IGSF11: variants seen among roughly 807,000 people sequenced by gnomAD.
The protein encoded by IGSF11 is CXADR like 1.
In IGSF11, 22 loss-of-function variants were observed where a neutral mutation model predicts 41.0. That is an observed-to-expected ratio of 0.54 (90% CI 0.38 to 0.77). IGSF11 has a LOEUF of 0.77. IGSF11 is among the 30% of genes least tolerant of loss of function. The probability of loss-of-function intolerance (pLI) is 0.00; values close to 1 mark genes in which losing one functional copy is unlikely to be tolerated. For synonymous variants in IGSF11, 219 were observed against 201.3 expected (o/e 1.09, Z -0.74); for missense variants, 444 against 530.8 (o/e 0.84, Z 1.61).
At chr3:119,003,397 TAAAC>T (rs1937112892) in intron 1 of IGSF11, among the ~76,000 whole-genome samples, 1 of 150,468 alleles carries the variant, frequency 6.6e-6, no homozygotes, top group South Asian at 2.1e-4. Context: ...GTTTTCCAGA[TAAAC>T]AATCATGTCG....
At chr3:119,111,965 G>A (rs1349658500) in intron 1 of IGSF11, among the ~76,000 whole-genome samples, 2 of 152,192 alleles carry the variant, frequency 1.3e-5, no homozygotes, top group East Asian at 1.9e-4. Context: ...TTGTCTCAGA[G>A]GAGTACCCAG....
rs766707937 is a variant in IGSF11 at position 118,904,794 on chromosome 3, C to A, written c.708G>T (p.Gln236His). 10 of 1,595,718 alleles carry A rather than the reference C, an allele frequency of 6.3e-6. No individual in the cohort carries two copies. The highest frequency in any genetic ancestry group is 1.4e-5 in the African/African-American group (1 of 73,582). The change falls in exon 6 of 7, where the codon CAG becomes CAT. Residue 236 changes from glutamine (Q) to histidine (H), a missense_variant. Gln to His is a conservative substitution (Grantham distance 24). Around this residue, in one of 3 missense-constraint regions of IGSF11, gnomAD observed 193 missense variants for 283.5 expected, o/e 0.68. Transcript: ENST00000393775. The part of the protein sequence containing the change: ...CLLDLQVISP[Q>H]PRNIGLIAGA... Reference sequence around the variant, plus strand: ...CAGCTATTAGTCCAATGTTCCTGGGCTGGGCTGCAAAATATATTTAAGATA... The same window carrying A: ...CAGCTATTAGTCCAATGTTCCTGGGATGGGCTGCAAAATATATTTAAGATA...
upstream of IGSF11, among the ~76,000 whole-genome samples, chr3:119,107,721 G>A (rs950135679): frequency 1.3e-5 from 2 of 152,140 alleles, no homozygotes; most frequent in African/African-American, 4.8e-5. Flanking sequence ...ATGGTTTTAG[G>A]TCTAACATTT....
At chr3:118,974,488 C>G (rs1933836591) in intron 1 of IGSF11, among the ~76,000 whole-genome samples, 1 of 152,188 alleles carries the variant, frequency 6.6e-6, no homozygotes, top group African/African-American at 2.4e-5. Context: ...TACGAGAAGC[C>G]TCTTCCAGGA....
intron 1 of IGSF11, among the ~76,000 whole-genome samples, chr3:119,010,751 C>A (rs79845523): frequency 0.011 from 1,610 of 152,298 alleles, 32 homozygotes; most frequent in East Asian, 0.061. Flanking sequence ...CATAATAAAT[C>A]TCTTTCTACA....
At position 118,904,777 on chromosome 3, in the gene IGSF11, A is replaced by G; in HGVS notation, c.725T>C (p.Leu242Pro). The G allele has an allele frequency of 6.2e-7, 1 of 1,611,762 alleles. No homozygotes were observed. The highest frequency in any genetic ancestry group is 8.5e-7 in the Non-Finnish European group (1 of 1,179,298). Residue 242 changes from leucine (L) to proline (P), a missense_variant, in exon 6 of 7, where the codon CTA (leucine) becomes CCA (proline). Physicochemically the swap from Leu to Pro is moderately conservative, Grantham distance 98. Coordinates refer to ENST00000393775, the MANE Select transcript of IGSF11 (RefSeq NM_001015887.3). ...ACCAGTGCCAATGGCTCCAGCTATT[A>G]GTCCAATGTTCCTGGGCTGGGCTGC... ...VISPQPRNIG[L>P]IAGAIGTGAV... is the part of the protein sequence containing the mutation.
chr3:119,090,016 A>G (rs1220497611), intron 1 of IGSF11, among the ~76,000 whole-genome samples: 1 of 152,184 alleles, frequency 6.6e-6, no homozygotes, highest in Non-Finnish European at 1.5e-5. Context: ...CAGAGCCACA[A>G]TCAGTCTTAA....
At chr3:118,930,996 C>T (rs1006758306) in intron 1 of IGSF11, among the ~76,000 whole-genome samples, 4 of 152,114 alleles carry the variant, frequency 2.6e-5, no homozygotes, top group Non-Finnish European at 5.9e-5. Flanking sequence ...TGTAGTAGGA[C>T]AGTATGGTAC....
chr3:119,102,397 G>C (rs2076952053), intron 1 of IGSF11, among the ~76,000 whole-genome samples: 1 of 152,170 alleles, frequency 6.6e-6, no homozygotes, highest in Non-Finnish European at 1.5e-5. Flanking sequence ...GGAGGTCTGA[G>C]CCAGTCTGAA....
In IGSF11 at chr3:118,910,970, A is replaced by G. The variant is rs76218138; in HGVS notation, c.581-5252T>C. Among the ~76,000 whole-genome samples, 478 of 152,238 alleles carry G rather than the reference A, an allele frequency of 3.1e-3. 2 individuals are homozygous for G. The highest frequency in any genetic ancestry group is 0.01 in the African/African-American group (420 of 41,550). ...GCACTGCATACATTTTCATAGCATT[A>G]ACATGTAGTGCTATGATTTTCTCTT... On this transcript the variant is annotated intron_variant, in intron 4 of 6. Transcript: ENST00000393775.
intron 1 of IGSF11, among the ~76,000 whole-genome samples, chr3:118,934,884 T>C (rs1282126220): frequency 1.3e-5 from 2 of 152,184 alleles, no homozygotes; most frequent in African/African-American, 2.4e-5. Context: ...TTTGCTCTGT[T>C]TTCTGTCTTT....
At chr3:119,132,921 AC>A (rs1167070854) in intron 1 of IGSF11, among the ~76,000 whole-genome samples, 13 of 152,194 alleles carry the variant, frequency 8.5e-5, no homozygotes, top group Middle Eastern at 3.2e-3. Context: ...CTCACTCAAA[AC>A]CACACAACTA....
intron 1 of IGSF11, among the ~76,000 whole-genome samples, chr3:119,102,533 G>A (rs1471979367): frequency 6.6e-6 from 1 of 152,010 alleles, no homozygotes; most frequent in Non-Finnish European, 1.5e-5. Flanking sequence ...GTTTTCCTAG[G>A]CTACAGAATA....
At chr3:118,975,382 T>C (rs1407918496) in intron 1 of IGSF11, among the ~76,000 whole-genome samples, 2 of 134,320 alleles carry the variant, frequency 1.5e-5, no homozygotes, top group Admixed American at 1.5e-4. Context: ...AAAAAAAAGA[T>C]GTGCTCATAG....
intron 1 of IGSF11, among the ~76,000 whole-genome samples, chr3:119,029,571 C>T (rs868784797): frequency 3.0e-4 from 45 of 151,930 alleles, no homozygotes; most frequent in African/African-American, 4.1e-4. Context: ...AGCAGAGGAA[C>T]GTAACATCTT....
At chr3:119,001,452 C>T (rs1344059130) in intron 1 of IGSF11, among the ~76,000 whole-genome samples, 2 of 142,840 alleles carry the variant, frequency 1.4e-5, no homozygotes, top group African/African-American at 5.5e-5. Context: ...TTGTTTTTTT[C>T]TGGCCCCAGG....
chr3:118,904,856 C>T, intron 5 of IGSF11, 58 bp from the exon 6 acceptor site: 1 of 1,387,520 alleles, frequency 7.2e-7, no homozygotes, highest in Non-Finnish European at 9.9e-7. Flanking sequence ...ATAGCATATA[C>T]CCATGCAACT....
At chr3:119,042,689 G>A (rs1158326085) in intron 1 of IGSF11, among the ~76,000 whole-genome samples, 4 of 152,252 alleles carry the variant, frequency 2.6e-5, no homozygotes, top group Non-Finnish European at 5.9e-5. Context: ...TACTCACTCT[G>A]GTAGCTGAAG....
At chr3:118,922,758 G>A (rs1436455471) in intron 4 of IGSF11, among the ~76,000 whole-genome samples, 1 of 152,108 alleles carries the variant, frequency 6.6e-6, no homozygotes. Context: ...GGAGCTCCAA[G>A]ATTAAGACCC....
Sources: gnomAD v4.1 joint callset for allele counts (sites outside exome capture counted in the v4.1 genomes callset) on GRCh38, gnomAD v4.1.1 for gene constraint, gnomAD v4.1.1 regional missense constraint, MANE v1.5 for transcripts, NCBI Gene and HGNC (gene_info 2026-07-23, HGNC 2026-07-21) for gene names.